Variants in DCAF16 observed in about 807,000 individuals in gnomAD.
DCAF16 encodes DDB1 and CUL4 associated factor 16.
In DCAF16, 10 loss-of-function variants were observed where a neutral mutation model predicts 17.3. The ratio of observed to expected loss-of-function variants is 0.58; its 90% CI spans 0.36 to 0.98. The LOEUF (loss-of-function observed/expected upper bound fraction) is 0.98, where lower values mean the gene tolerates loss of function less well. DCAF16 is among the 50% of genes least tolerant of loss of function. The pLI is 0.01. For missense variants in DCAF16, 249 were observed against 247.6 expected (o/e 1.01, Z -0.04); for synonymous variants, 111 against 92.8 (o/e 1.20, Z -1.12).
At chr4:17,805,966 T>C (rs1181625535) in intron 1 of DCAF16, among the ~76,000 whole-genome samples, 1 of 152,064 alleles carries the variant, frequency 6.6e-6, no homozygotes, top group African/African-American at 2.4e-5. Context: ...GACTCTTCTC[T>C]ACAACAACAA....
chr4:17,805,870 C>A (rs1226164472), intron 1 of DCAF16, among the ~76,000 whole-genome samples: 2 of 152,148 alleles, frequency 1.3e-5, no homozygotes, highest in Non-Finnish European at 2.9e-5. Context: ...GAGGCTGAGG[C>A]AGGCGGACTG....
At position 17,810,594 on chromosome 4, in the gene DCAF16, G is replaced by A. The variant is rs1577327304; in HGVS notation, c.-897C>T. The stretch of plus-strand genomic sequence containing the variant: ...GGATCCCCCGCCCTTCGGCCACAAG[G>A]GAGGTTGTTATCCTCGGCAGATCTC... On this transcript the variant is annotated 5_prime_UTR_variant, in exon 1 of 3. Coordinates refer to ENST00000382247, the MANE Select transcript of DCAF16 (RefSeq NM_017741.4). The A allele has an allele frequency of 6.6e-6, 1 of 152,574 alleles. No homozygotes were observed. Among genetic ancestry groups the A allele is most frequent in the African/African-American group, 2.4e-5 (1 of 41,488 alleles). The allele number at this position is 152,574 out of a possible 1,614,324, so 9.5% of individuals were successfully genotyped here.
the DCAF16 span, among the ~76,000 whole-genome samples, chr4:17,793,834 G>C: frequency 1.3e-5 from 2 of 152,092 alleles, no homozygotes; most frequent in Non-Finnish European, 2.9e-5. Flanking sequence ...TCTATTTACT[G>C]TATATTTGTG....
At chr4:17,796,134 A>G (rs1481260927), downstream of DCAF16, among the ~76,000 whole-genome samples, 2 of 152,176 alleles carry the variant, frequency 1.3e-5, no homozygotes, top group Non-Finnish European at 2.9e-5. Context: ...TCTGCTAGAG[A>G]GATAGCTGCC....
Position 17,803,084 on chromosome 4 carries a change from G to A in DCAF16, c.*407C>T, listed in dbSNP as rs559421731. The A allele has an allele frequency of 2.1e-3, 366 of 171,246 alleles. 1 individual carries two copies. Among genetic ancestry groups the A allele is most frequent in the African/African-American group, 7.8e-3 (326 of 41,646 alleles). 10.6% of individuals were successfully genotyped at this position (171,246 alleles called of 1,614,324 possible). On this transcript the variant is annotated 3_prime_UTR_variant, in exon 3 of 3. Coordinates refer to ENST00000382247, the MANE Select transcript of DCAF16 (RefSeq NM_017741.4). ...CTGTCACCCAGGCTGGAGTACAGTG[G>A]CATAATCTCAACTCACCGCAACCTC...
At chr4:17,806,151 A>G (rs901631774) in intron 1 of DCAF16, among the ~76,000 whole-genome samples, 22 of 152,252 alleles carry the variant, frequency 1.4e-4, no homozygotes, top group African/African-American at 5.3e-4. Flanking sequence ...TTAAAAAACC[A>G]TACAAACTAT....
At chr4:17,796,035 A>G (rs1719410172), downstream of DCAF16, among the ~76,000 whole-genome samples, 1 of 152,208 alleles carries the variant, frequency 6.6e-6, no homozygotes, top group Non-Finnish European at 1.5e-5. Context: ...TGTCTTCCAT[A>G]TAGCACATCA....
At chr4:17,807,650 T>G (rs1476275317) in intron 1 of DCAF16, among the ~76,000 whole-genome samples, 2 of 152,222 alleles carry the variant, frequency 1.3e-5, no homozygotes, top group Non-Finnish European at 2.9e-5. Flanking sequence ...ATGACAGGAA[T>G]TAGAAGCATT....
chr4:17,797,562 G>A (rs1043211468), downstream of DCAF16, among the ~76,000 whole-genome samples: 17 of 152,220 alleles, frequency 1.1e-4, no homozygotes, highest in African/African-American at 4.1e-4. Flanking sequence ...TTTGCAGTAA[G>A]TCTACATGGA....
chr4:17,804,068 A>C lies in DCAF16; in HGVS notation c.74T>G (p.Leu25Arg). 1 of 1,614,118 alleles carries C rather than the reference A, an allele frequency of 6.2e-7. No homozygotes were observed. Reference protein sequence around the residue: ...ESEEEENISYLNESSGEEWDS... With the variant: ...ESEEEENISYRNESSGEEWDS... ...CCACTCTTCCCCAGAACTCTCATTT[A>C]GGTAACTAATATTTTCTTCTTCCTC... is the stretch of plus-strand genomic sequence containing the variant. Residue 25 changes from leucine to arginine, a missense_variant, in exon 3 of 3, where the codon CTA becomes CGA. Physicochemically the swap from Leu to Arg is moderately radical, Grantham distance 102. Transcript: ENST00000382247.
At chr4:17,798,668 G>A (rs148110446), downstream of DCAF16, among the ~76,000 whole-genome samples, 315 of 152,252 alleles carry the variant, frequency 2.1e-3, no homozygotes, top group African/African-American at 7.1e-3. Context: ...GAGAATAGCT[G>A]GTCATAGCTC....
At chr4:17,807,818 A>C (rs1345556405) in intron 1 of DCAF16, among the ~76,000 whole-genome samples, 1 of 152,232 alleles carries the variant, frequency 6.6e-6, no homozygotes, top group African/African-American at 2.4e-5. Flanking sequence ...GATTTCCAAA[A>C]TCAAAGTCAG....
chr4:17,800,144 CA>C (rs971077538), downstream of DCAF16, among the ~76,000 whole-genome samples: 226 of 45,996 alleles, frequency 4.9e-3, no homozygotes, highest in East Asian at 0.01. Context: ...AACTCCATCT[CA>C]AAAAAAAAAA....
At chr4:17,806,508 C>G (rs1315499427) in intron 1 of DCAF16, among the ~76,000 whole-genome samples, 1 of 152,132 alleles carries the variant, frequency 6.6e-6, no homozygotes, top group South Asian at 2.1e-4. Context: ...AAACCTAATC[C>G]TATAAAGAAC....
intron 1 of DCAF16, among the ~76,000 whole-genome samples, chr4:17,809,100 A>C (rs1275928424): frequency 6.6e-6 from 1 of 152,238 alleles, no homozygotes; most frequent in African/African-American, 2.4e-5. Flanking sequence ...ATGTTACCAC[A>C]TTCTTAACTA....
rs1482086771 is a variant in DCAF16, at chr4:17,804,286, T to G, written c.-145A>C. On this transcript the variant is annotated 5_prime_UTR_variant, in exon 3 of 3. Coordinates refer to ENST00000382247, the MANE Select transcript of DCAF16 (RefSeq NM_017741.4). The stretch of plus-strand genomic sequence containing the variant: ...TTCAGTCCGTTACACACATAAAGTA[T>G]GCTTGTGGCCCATACCACTGTGCCG... The G allele has an allele frequency of 1.0e-5, 7 of 687,440 alleles. No individual in the cohort carries two copies. Among genetic ancestry groups the G allele is most frequent in the South Asian group, 1.9e-5 (1 of 51,418 alleles). The allele number at this position is 687,440 out of a possible 1,614,324, so 42.6% of individuals were successfully genotyped here. A position where few individuals can be genotyped will look rare whatever the true frequency, so the allele number is the denominator to read the frequency against.
intron 1 of DCAF16, among the ~76,000 whole-genome samples, chr4:17,809,039 T>C (rs955705877): frequency 6.6e-6 from 1 of 151,720 alleles, no homozygotes; most frequent in East Asian, 1.9e-4. Context: ...AAAATAAAAA[T>C]AAAAAAATAT....
intron 1 of DCAF16, among the ~76,000 whole-genome samples, chr4:17,808,931 A>C (rs1720576737): frequency 6.6e-6 from 1 of 152,194 alleles, no homozygotes; most frequent in Non-Finnish European, 1.5e-5. Context: ...TGGGAGACTG[A>C]GGCGGGAGAA....
Position 17,804,295 on chromosome 4 carries a change from C to A in DCAF16, c.-154G>T, listed in dbSNP as rs953535234. The A allele has an allele frequency of 2.6e-5, 17 of 658,696 alleles. No individual in the cohort carries two copies. In the African/African-American group the frequency reaches 3.1e-4, roughly 12 times the overall value. 40.8% of individuals were successfully genotyped at this position (658,696 alleles called of 1,614,324 possible). On this transcript the variant is annotated 5_prime_UTR_variant, in exon 3 of 3. Coordinates refer to ENST00000382247, the MANE Select transcript of DCAF16 (RefSeq NM_017741.4). ...TTACACACATAAAGTATGCTTGTGG[C>A]CCATACCACTGTGCCGTTCTTCAAG... is the stretch of plus-strand genomic sequence containing the variant.
Sources: allele counts gnomAD v4.1 joint callset (sites outside exome capture counted in the v4.1 genomes callset), GRCh38; gene constraint gnomAD v4.1.1; transcripts MANE v1.5; gene names NCBI Gene and HGNC (gene_info 2026-07-23, HGNC 2026-07-21).